Variants in PTPRF observed in about 807,000 individuals in gnomAD.
PTPRF encodes the protein protein tyrosine phosphatase receptor type F, also known as receptor-type tyrosine-protein phosphatase F.
A neutral mutation model predicts 201.8 loss-of-function variants in PTPRF; 59 were observed. The ratio of observed to expected loss-of-function variants is 0.29; its 90% confidence interval spans 0.24 to 0.36. PTPRF has a LOEUF of 0.36. PTPRF is among the 10% of genes least tolerant of loss of function. PTPRF has a pLI of 1.00. For synonymous variants in PTPRF, 1,088 were observed against 1,089.7 expected (o/e 1.00, Z 0.03); for missense variants, 2,132 against 2,690.5 (o/e 0.79, Z 4.59).
In PTPRF at chr1:43,614,749, G is replaced by T. The variant is rs75443711; in HGVS notation, c.4071+1034G>T. Among the ~76,000 whole-genome samples the T allele has an allele frequency of 1.1e-3, 162 of 152,240 alleles. 3 individuals are homozygous for T. The East Asian group carries it at 0.018, about 17-fold the overall frequency. ...GCCTGTAGTCCCAGCTATTTGTGAG[G>T]GCTGAGGCAGGAGAATCGTTTGAAC... On this transcript the variant is annotated intron_variant, in intron 23 of 33. Coordinates refer to ENST00000359947, the MANE Select transcript of PTPRF (RefSeq NM_002840.5).
chr1:43,592,615 A>C lies in PTPRF; in HGVS notation c.1813+14A>C. 1 of 1,568,704 alleles carries C rather than the reference A, an allele frequency of 6.4e-7. No individual in the cohort carries two copies. Among genetic ancestry groups the C allele is most frequent in the Non-Finnish European group, 8.6e-7 (1 of 1,156,680 alleles). Reference sequence around the variant, plus strand: ...CAGCCCAGTCCAGTAAGTGTCTCCCAAGTCCGCTGCCTGTTACACCTGGGC... The same window carrying C: ...CAGCCCAGTCCAGTAAGTGTCTCCCCAGTCCGCTGCCTGTTACACCTGGGC... On this transcript the variant is annotated intron_variant, in intron 11 of 33. Transcript: ENST00000359947.
intron 5 of PTPRF, among the ~76,000 whole-genome samples, chr1:43,560,592 C>T (rs545236594): frequency 1.6e-4 from 25 of 152,216 alleles, no homozygotes; most frequent in African/African-American, 5.5e-4. Context: ...GGCAGGAGGT[C>T]GGAGATGCTG....
Position 43,603,015 on chromosome 1 carries a change from C to G in PTPRF, c.2341-401C>G, listed in dbSNP as rs964157345. The stretch of plus-strand genomic sequence containing the variant: ...GCACTGGTGTCCACAGGCAGCCTTA[C>G]GCCTGCTTATGCAGGAGCTGTAGGC... On this transcript the variant is annotated intron_variant, in intron 14 of 33. Transcript: ENST00000359947. This position sits in a 1 kb window ranked among gnomAD's most constrained non-coding sequence, Gnocchi z 5.8. 2.6e-5 allele frequency among the ~76,000 whole-genome samples: 4 copies of G among 152,172 alleles called. No individual in the cohort carries two copies.
Position 43,603,552 on chromosome 1 carries a change from CGGACCTGA to C in PTPRF, c.2458+22_2458+29del. 1 of 1,613,052 alleles carries C rather than the reference CGGACCTGA, an allele frequency of 6.2e-7. No homozygotes were observed. The highest frequency in any genetic ancestry group is 8.5e-7 in the Non-Finnish European group (1 of 1,179,494). ...GGTGCAGGTGAGTGAGGGGTCAGGA[CGGACCTGA>C]GGGTGGGGCAGCAGGAGGGCAGCGC... On this transcript the variant is annotated intron_variant, in intron 15 of 33. Coordinates refer to ENST00000359947, the MANE Select transcript of PTPRF (RefSeq NM_002840.5). This position sits in a 1 kb window ranked among gnomAD's most constrained non-coding sequence, Gnocchi z 5.8.
At chr1:43,559,803 G>A (rs1034827776) in intron 5 of PTPRF, among the ~76,000 whole-genome samples, 4 of 150,786 alleles carry the variant, frequency 2.7e-5, no homozygotes, top group Admixed American at 2.0e-4. Flanking sequence ...TTATCAGGCA[G>A]TGTGTGGTGT....
rs758620975 is a variant in PTPRF at position 43,620,228 on chromosome 1, C to T, written c.5238+7C>T. 5 of 1,613,538 alleles carry T rather than the reference C, an allele frequency of 3.1e-6. No individual in the cohort carries two copies. The highest frequency in any genetic ancestry group is 2.2e-5 in the South Asian group (2 of 91,038). On this transcript the variant is annotated splice_region_variant and intron_variant, in intron 30 of 33. Coordinates refer to ENST00000359947, the MANE Select transcript of PTPRF (RefSeq NM_002840.5). ...GCTTCGGGAGATGGGCAGGGTGAGCCCACCCTTTCCCCCAGGGCCCCTGTC... is the reference window on the plus strand; with the variant it reads ...GCTTCGGGAGATGGGCAGGGTGAGCTCACCCTTTCCCCCAGGGCCCCTGTC...
intron 3 of PTPRF, among the ~76,000 whole-genome samples, chr1:43,551,259 C>T (rs1645020245): frequency 6.6e-6 from 1 of 150,436 alleles, no homozygotes; most frequent in Non-Finnish European, 1.5e-5. Flanking sequence ...TGGAGGGCTT[C>T]AAGTGTGGGG....
chr1:43,557,100 G>A (rs1031529567), intron 5 of PTPRF, among the ~76,000 whole-genome samples: 1 of 152,206 alleles, frequency 6.6e-6, no homozygotes, highest in African/African-American at 2.4e-5. Context: ...CCCTGCCCTG[G>A]CATTTGGGAG....
chr1:43,563,007 G>A (rs563481405), intron 5 of PTPRF, among the ~76,000 whole-genome samples: 3 of 151,680 alleles, frequency 2.0e-5, no homozygotes, highest in East Asian at 2.0e-4. Context: ...GTGAAACCCC[G>A]TCTCTACTAA....
intron 2 of PTPRF, among the ~76,000 whole-genome samples, chr1:43,543,004 C>G (rs186936231): frequency 6.6e-6 from 1 of 152,252 alleles, no homozygotes; most frequent in Admixed American, 6.5e-5. Context: ...ACCTCTGTGA[C>G]TATTATATTG....
intron 6 of PTPRF, 91 bp downstream of exon 6, chr1:43,569,869 C>A: frequency 7.2e-7 from 1 of 1,390,910 alleles, no homozygotes; most frequent in Non-Finnish European, 9.6e-7. Flanking sequence ...TGGGCCTGGG[C>A]ACCTCCAGGG....
At chr1:43,544,864 G>T (rs1337037053) in intron 2 of PTPRF, among the ~76,000 whole-genome samples, 167 bp from the exon 3 acceptor site, 1 of 152,040 alleles carries the variant, frequency 6.6e-6, no homozygotes, top group Non-Finnish European at 1.5e-5. Flanking sequence ...GGTGGTCACT[G>T]GGGTCAGAAG....
intron 7 of PTPRF, among the ~76,000 whole-genome samples, chr1:43,585,969 G>C (rs959500718): frequency 2.2e-4 from 34 of 152,290 alleles, no homozygotes; most frequent in African/African-American, 8.2e-4. Context: ...GTCCTCTCCT[G>C]CCAGCCTCTG....
chr1:43,524,219 G>A (rs188593754), upstream of PTPRF, among the ~76,000 whole-genome samples: 6 of 152,336 alleles, frequency 3.9e-5, no homozygotes, highest in East Asian at 1.2e-3. Flanking sequence ...TCAGAAGTGG[G>A]AGGATGGCGG....
At chr1:43,563,517 G>T (rs1645952508) in intron 5 of PTPRF, among the ~76,000 whole-genome samples, 1 of 152,158 alleles carries the variant, frequency 6.6e-6, no homozygotes, top group Non-Finnish European at 1.5e-5. Context: ...GGAGCCCCAG[G>T]AACCGACTCT....
chr1:43,565,881 CA>C (rs1406515735), intron 5 of PTPRF, among the ~76,000 whole-genome samples: 1 of 152,094 alleles, frequency 6.6e-6, no homozygotes, highest in Non-Finnish European at 1.5e-5. Context: ...CCTTCCGCGG[CA>C]GCGCCCGCCG....
At chr1:43,563,866 G>A (rs1338183513) in intron 5 of PTPRF, among the ~76,000 whole-genome samples, 1 of 152,112 alleles carries the variant, frequency 6.6e-6, no homozygotes, top group Non-Finnish European at 1.5e-5. Context: ...GCCCGAGTCT[G>A]GAACTCCAGT....
At chr1:43,568,909 C>G (rs1188083067) in intron 5 of PTPRF, among the ~76,000 whole-genome samples, 1 of 152,230 alleles carries the variant, frequency 6.6e-6, no homozygotes, top group Non-Finnish European at 1.5e-5. Flanking sequence ...TCCACACACT[C>G]AGGCATGGTC....
chr1:43,555,404 AT>A (rs1287902742), intron 5 of PTPRF, among the ~76,000 whole-genome samples: 1 of 149,108 alleles, frequency 6.7e-6, no homozygotes, highest in Non-Finnish European at 1.5e-5. Context: ...TATGGCTAAC[AT>A]CTTCCTTGCC....
Sources: allele counts gnomAD v4.1 joint callset (sites outside exome capture counted in the v4.1 genomes callset), GRCh38; gene constraint gnomAD v4.1.1; non-coding constraint Gnocchi (gnomAD v3.1); transcripts MANE v1.5; gene names NCBI Gene and HGNC (gene_info 2026-07-23, HGNC 2026-07-21).